The following STK4 variants were observed in gnomAD, a reference collection of about 807,000 sequenced individuals.
The protein encoded by STK4 is serine/threonine-protein kinase 4.
A neutral mutation model predicts 64.9 loss-of-function variants in STK4; 30 were observed. That is an observed-to-expected ratio of 0.46 (90% CI 0.35 to 0.63). The LOEUF is 0.63. STK4 is among the 20% of genes least tolerant of loss of function. The pLI, the probability that STK4 is intolerant of heterozygous loss-of-function variation, is 0.01. For synonymous variants in STK4, 177 were observed against 199.0 expected (o/e 0.89, Z 0.93); for missense variants, 466 against 598.5 (o/e 0.78, Z 2.31).
At chr20:44,995,353 C>T in intron 6 of STK4, 96 bp downstream of exon 6, 2 of 1,417,446 alleles carry the variant, frequency 1.4e-6, no homozygotes, top group Admixed American at 4.8e-5. Flanking sequence ...CACGTGTAAT[C>T]CCAGCACTTT....
At chr20:45,018,705 A>C (rs930916039) in intron 9 of STK4, among the ~76,000 whole-genome samples, 1 of 150,798 alleles carries the variant, frequency 6.6e-6, no homozygotes, top group Admixed American at 6.6e-5. Context: ...TTAAAATTCT[A>C]TCTAATTTTT....
chr20:45,065,387 C>T (rs922264444), intron 10 of STK4, among the ~76,000 whole-genome samples: 3 of 152,010 alleles, frequency 2.0e-5, no homozygotes, highest in South Asian at 2.1e-4. Context: ...CCATGTTCCT[C>T]GAGAAAAATG....
intron 10 of STK4, among the ~76,000 whole-genome samples, chr20:45,033,650 A>G (rs1183632862): frequency 2.0e-5 from 3 of 151,870 alleles, no homozygotes; most frequent in South Asian, 2.1e-4. Flanking sequence ...CGTGATCTCA[A>G]CTCACTGCAA....
intron 10 of STK4, among the ~76,000 whole-genome samples, chr20:45,063,752 C>G (rs1288303456): frequency 1.3e-5 from 2 of 152,030 alleles, no homozygotes; most frequent in Non-Finnish European, 2.9e-5. Flanking sequence ...TTTAATTTAT[C>G]TCAACTTGAT....
intron 9 of STK4, among the ~76,000 whole-genome samples, chr20:45,001,972 C>T (rs1388001054): frequency 2.0e-5 from 3 of 152,074 alleles, no homozygotes; most frequent in Non-Finnish European, 4.4e-5. Context: ...ATGTTTCATC[C>T]CCTAAACTCA....
intron 5 of STK4, among the ~76,000 whole-genome samples, chr20:44,988,533 G>GTGTGTGTGTGTGTGTATATATA (rs1221720136): frequency 2.0e-5 from 2 of 101,574 alleles, no homozygotes; most frequent in African/African-American, 9.5e-5. Context: ...ATGTGTGTGT[G>GTGTGTGTGTGTGTGTATATATA]TATATATATA....
intron 7 of STK4, among the ~76,000 whole-genome samples, chr20:45,000,000 A>C (rs1274651771): frequency 6.6e-6 from 1 of 152,228 alleles, no homozygotes; most frequent in African/African-American, 2.4e-5. Context: ...GCCACAGTTC[A>C]TGGTCGTACA....
chr20:44,979,463 T>C (rs2067398547), intron 3 of STK4, among the ~76,000 whole-genome samples: 1 of 152,188 alleles, frequency 6.6e-6, no homozygotes, highest in Non-Finnish European at 1.5e-5. Context: ...TGGTTTGCTC[T>C]GAAATTCCAT....
At chr20:44,977,443 T>A (rs1483150692) in intron 2 of STK4, among the ~76,000 whole-genome samples, 1 of 152,146 alleles carries the variant, frequency 6.6e-6, no homozygotes, top group Non-Finnish European at 1.5e-5. Context: ...TGAAAGACAG[T>A]TTACTCAGTA....
intron 10 of STK4, among the ~76,000 whole-genome samples, chr20:45,046,744 T>C (rs1309973634): frequency 1.3e-5 from 2 of 151,874 alleles, no homozygotes; most frequent in African/African-American, 4.8e-5. Context: ...TGCAGTGGCG[T>C]GATCTCGGCT....
chr20:45,064,913 C>T (rs930906661), intron 10 of STK4, among the ~76,000 whole-genome samples: 2 of 152,258 alleles, frequency 1.3e-5, no homozygotes, highest in African/African-American at 4.8e-5. Flanking sequence ...AGTTTGACTT[C>T]CCTTCTTCCT....
Position 45,027,448 on chromosome 20 carries a change from AAAG to A in STK4, c.1305+2322_1305+2324del, listed in dbSNP as rs1387277970. On this transcript the variant is annotated intron_variant, in intron 10 of 10. Coordinates refer to ENST00000372806, the MANE Select transcript of STK4 (RefSeq NM_006282.5). Reference sequence around the variant, plus strand: ...TCCGTCTCAAAAAAAAAAAAAAAAAAAAGAAGTTAGCAATTTTGAAAACCCAGT... The same window carrying A: ...TCCGTCTCAAAAAAAAAAAAAAAAAAAAGTTAGCAATTTTGAAAACCCAGT... Among the ~76,000 whole-genome samples, 665 of 151,728 alleles carry A rather than the reference AAAG, an allele frequency of 4.4e-3. 6 individuals carry two copies. The highest frequency in any genetic ancestry group is 0.015 in the African/African-American group (630 of 41,248).
intron 9 of STK4, among the ~76,000 whole-genome samples, chr20:45,015,989 T>C (rs2068134773): frequency 6.6e-6 from 1 of 152,234 alleles, no homozygotes; most frequent in African/African-American, 2.4e-5. Flanking sequence ...TTACTAACTT[T>C]TAGTTTTTGC....
intron 9 of STK4, among the ~76,000 whole-genome samples, chr20:45,003,754 C>T (rs934627456): frequency 1.5e-4 from 21 of 142,708 alleles, no homozygotes; most frequent in Admixed American, 1.0e-3. Context: ...CTCACTCTGT[C>T]GCCCAGGCTT....
At chr20:45,017,302 C>T (rs775142595) in intron 9 of STK4, among the ~76,000 whole-genome samples, 4 of 152,098 alleles carry the variant, frequency 2.6e-5, no homozygotes, top group African/African-American at 9.7e-5. Flanking sequence ...TTACTCTAGG[C>T]GCTTCAAATA....
chr20:44,968,481 T>C (rs2067191618), intron 1 of STK4, among the ~76,000 whole-genome samples: 1 of 152,244 alleles, frequency 6.6e-6, no homozygotes. Flanking sequence ...AAAGTACCCC[T>C]GTTTCACAGG....
At chr20:45,042,274 G>T (rs2068625906) in intron 10 of STK4, among the ~76,000 whole-genome samples, 2 of 150,376 alleles carry the variant, frequency 1.3e-5, no homozygotes, top group Admixed American at 6.6e-5. Context: ...TTTACCTCCT[G>T]TTTTTTTTTC....
chr20:45,040,534 C>G (rs1165677068), intron 10 of STK4, among the ~76,000 whole-genome samples: 2 of 151,782 alleles, frequency 1.3e-5, no homozygotes, highest in East Asian at 3.9e-4. Context: ...TATATACTCC[C>G]TGGTAGTTTG....
At chr20:45,033,197 A>G (rs754579984) in intron 10 of STK4, among the ~76,000 whole-genome samples, 35 of 152,180 alleles carry the variant, frequency 2.3e-4, no homozygotes, top group Non-Finnish European at 4.1e-4. Flanking sequence ...CATAGTTTGC[A>G]GAAATTTTCT....
Sources: allele counts gnomAD v4.1 joint callset (sites outside exome capture counted in the v4.1 genomes callset), GRCh38; gene constraint gnomAD v4.1.1; transcripts MANE v1.5; gene names NCBI Gene and HGNC (gene_info 2026-07-23, HGNC 2026-07-21).